Variants in IPCEF1 observed in about 807,000 individuals in gnomAD.
The protein encoded by IPCEF1 is interactor protein for cytohesin exchange factors 1.
In IPCEF1, 31 loss-of-function variants were observed where a neutral mutation model predicts 50.9. The observed-to-expected ratio is 0.61, with a 90% confidence interval of 0.46 to 0.82. IPCEF1 has a LOEUF of 0.82. Ranked by LOEUF, IPCEF1 falls within the 40% of genes least tolerant of loss-of-function variation. The pLI is 0.00. For synonymous variants in IPCEF1, 181 were observed against 192.0 expected (o/e 0.94, Z 0.47); for missense variants, 458 against 514.0 (o/e 0.89, Z 1.05).
chr6:154,167,990 A>T lies in IPCEF1; in HGVS notation c.1034T>A (p.Val345Asp), dbSNP rs1799571496. The change falls in exon 11 of 12, where the codon GTT becomes GAT. Residue 345 changes from valine (V) to aspartate (D), a missense_variant. Coordinates refer to ENST00000367220, the MANE Select transcript of IPCEF1 (RefSeq NM_001130700.2). ...STKKELRKSF[V>D]KRCKNPSINE... ...TATAGATGGATTTTTACACCGCTTA[A>T]CAAAGGATTTTCTCAACTCCTTTTT... 1 of 1,611,948 alleles carries T rather than the reference A, an allele frequency of 6.2e-7. No homozygotes were observed. Among genetic ancestry groups the T allele is most frequent in the African/African-American group, 1.3e-5 (1 of 75,040 alleles).
At position 154,299,168 on chromosome 6, in the gene IPCEF1, C is replaced by T. The variant is rs1006280575; in HGVS notation, c.-61-9412G>A. Among the ~76,000 whole-genome samples, 13 of 140,674 alleles carry T rather than the reference C, an allele frequency of 9.2e-5. 2 individuals carry two copies. Among genetic ancestry groups the T allele is most frequent in the South Asian group, 2.2e-4 (1 of 4,462 alleles). 92.3% of individuals were successfully genotyped at this position (140,674 alleles called of 152,430 possible). ...GTGGTTAGCATCCTAAAGCCCCTCT[C>T]GGTCCTCCCATGAGTGCTTTATTAA... On this transcript the variant is annotated intron_variant, in intron 1 of 11. Transcript: ENST00000367220.
In IPCEF1 at chr6:154,214,230, T is replaced by C. The variant is rs41292902; in HGVS notation, c.439A>G (p.Thr147Ala). 1 of 1,605,632 alleles carries C rather than the reference T, an allele frequency of 6.2e-7. No individual in the cohort carries two copies. Among genetic ancestry groups the C allele is most frequent in the Non-Finnish European group, 8.5e-7 (1 of 1,172,240 alleles). ...GSAVIHQEST[T>A]KDEECYSESE... is the part of the protein sequence containing the mutation. ...AAATAGAACATACCTTCATCCTTTG[T>C]AGTGGATTCCTGATGGATTACAGCC... Residue 147 changes from threonine to alanine, a missense_variant, in exon 8 of 12, where the codon ACA becomes GCA. By Grantham distance (58) the Thr-to-Ala change is moderately conservative. Coordinates refer to ENST00000367220, the MANE Select transcript of IPCEF1 (RefSeq NM_001130700.2).
chr6:154,235,932 C>A (rs1448889443), intron 5 of IPCEF1, among the ~76,000 whole-genome samples: 3 of 152,160 alleles, frequency 2.0e-5, no homozygotes, highest in South Asian at 2.1e-4. Flanking sequence ...AAAATGGAAC[C>A]CTTGTGTTCC....
At chr6:154,233,166 G>A (rs1394185577) in intron 5 of IPCEF1, among the ~76,000 whole-genome samples, 2 of 151,910 alleles carry the variant, frequency 1.3e-5, no homozygotes, top group African/African-American at 2.4e-5. Flanking sequence ...ACATGGTTTC[G>A]CCATATTGGC....
chr6:154,223,777 A>G (rs1779044590), intron 5 of IPCEF1, among the ~76,000 whole-genome samples: 1 of 152,372 alleles, frequency 6.6e-6, no homozygotes, highest in South Asian at 2.1e-4. Flanking sequence ...GAGTCACTCA[A>G]CAAACATTAT....
chr6:154,321,457 T>C (rs1783372678), intron 1 of IPCEF1, among the ~76,000 whole-genome samples: 1 of 151,716 alleles, frequency 6.6e-6, no homozygotes, highest in South Asian at 2.1e-4. Context: ...CTTCTCAACC[T>C]TTGAAGAAGT....
At chr6:154,333,504 TGGG>T (rs889709412) in intron 1 of IPCEF1, among the ~76,000 whole-genome samples, 1 of 151,964 alleles carries the variant, frequency 6.6e-6, no homozygotes, top group Non-Finnish European at 1.5e-5. Flanking sequence ...CAGCCTATTG[TGGG>T]ACCTTGTGAT....
chr6:154,222,358 A>G (rs1266656764), intron 6 of IPCEF1, among the ~76,000 whole-genome samples: 1 of 152,256 alleles, frequency 6.6e-6, no homozygotes, highest in African/African-American at 2.4e-5. Context: ...AGCTAACACC[A>G]GTTTACTAAC....
intron 1 of IPCEF1, among the ~76,000 whole-genome samples, chr6:154,341,542 A>C (rs560293121): frequency 6.6e-6 from 1 of 152,190 alleles, no homozygotes; most frequent in East Asian, 1.9e-4. Flanking sequence ...ATAGAGTGCA[A>C]TGAACAAAAC....
At chr6:154,209,359 T>C (rs140110472) in intron 9 of IPCEF1, among the ~76,000 whole-genome samples, 1 of 152,230 alleles carries the variant, frequency 6.6e-6, no homozygotes, top group Non-Finnish European at 1.5e-5. Flanking sequence ...ACTCTCTGCA[T>C]AAAAGCTATG....
Position 154,271,973 on chromosome 6 carries a change from T to C in IPCEF1, c.-17-6009A>G, listed in dbSNP as rs75354273. ...TTGCACTCCATCCTGAACAACAGAG[T>C]GAGACTCTGTCTCTAAAAGAAAACC... On this transcript the variant is annotated intron_variant, in intron 2 of 11. Transcript: ENST00000367220. Among the ~76,000 whole-genome samples the C allele has an allele frequency of 2.5e-3, 379 of 152,266 alleles. 2 individuals carry two copies. Among genetic ancestry groups the C allele is most frequent in the African/African-American group, 8.7e-3 (363 of 41,568 alleles).
At chr6:154,185,260 A>T (rs1801236853) in intron 10 of IPCEF1, among the ~76,000 whole-genome samples, 1 of 152,224 alleles carries the variant, frequency 6.6e-6, no homozygotes, top group South Asian at 2.1e-4. Context: ...ATTTCCAGGG[A>T]GCAGCTATAG....
chr6:154,344,192 T>G (rs1018122493), intron 1 of IPCEF1, among the ~76,000 whole-genome samples: 8 of 152,192 alleles, frequency 5.3e-5, no homozygotes, highest in African/African-American at 1.7e-4. Flanking sequence ...TCTTTCTTTC[T>G]TCTCCCTTTT....
rs35691566 is a variant in IPCEF1 at position 154,283,291 on chromosome 6, C to CAAA, written c.-18+6419_-18+6421dup. On this transcript the variant is annotated intron_variant, in intron 2 of 11. Transcript: ENST00000367220. ...GGGGCACAAGAGTGAAACTCCATCT[C>CAAA]AAAAAAAAAAAAAAAAAAAAGAGGG... Among the ~76,000 whole-genome samples the CAAA allele has an allele frequency of 1.2e-3, 80 of 66,316 alleles. 2 individuals are homozygous for CAAA. The highest frequency in any genetic ancestry group is 3.5e-3 in the African/African-American group (55 of 15,800). 43.5% of individuals were successfully genotyped at this position (66,316 alleles called of 152,430 possible).
At chr6:154,339,893 G>A (rs536365055) in intron 1 of IPCEF1, among the ~76,000 whole-genome samples, 6 of 151,882 alleles carry the variant, frequency 4.0e-5, no homozygotes, top group Non-Finnish European at 8.8e-5. Flanking sequence ...CGCCGCTCCT[G>A]GCCAAGTGAT....
intron 2 of IPCEF1, among the ~76,000 whole-genome samples, chr6:154,273,467 A>G (rs748853911): frequency 2.6e-5 from 4 of 152,218 alleles, no homozygotes; most frequent in African/African-American, 4.8e-5. Flanking sequence ...GAGAACATTC[A>G]TCTTCGCTCA....
chr6:154,352,633 G>C (rs1468123699), intron 1 of IPCEF1, among the ~76,000 whole-genome samples: 2 of 152,188 alleles, frequency 1.3e-5, no homozygotes, highest in Non-Finnish European at 2.9e-5. Flanking sequence ...GACAAAGATT[G>C]ATTCTAAGAC....
intron 1 of IPCEF1, among the ~76,000 whole-genome samples, chr6:154,331,564 C>G (rs531499812): frequency 4.8e-4 from 73 of 152,154 alleles, no homozygotes; most frequent in Admixed American, 3.0e-3. Flanking sequence ...TTGTTGCAGT[C>G]AGTACCAAGG....
chr6:154,331,418 A>AAAC (rs1783668372), intron 1 of IPCEF1, among the ~76,000 whole-genome samples: 2 of 151,352 alleles, frequency 1.3e-5, no homozygotes, highest in Admixed American at 1.3e-4. Context: ...AGAGAGAAAA[A>AAAC]GAAAGAGAGA....
Sources: gnomAD v4.1 joint callset for allele counts (sites outside exome capture counted in the v4.1 genomes callset) on GRCh38, gnomAD v4.1.1 for gene constraint, MANE v1.5 for transcripts, NCBI Gene and HGNC (gene_info 2026-07-23, HGNC 2026-07-21) for gene names.